Variants in CSGALNACT1 observed in about 807,000 individuals in gnomAD.
CSGALNACT1 encodes the protein chondroitin sulfate N-acetylgalactosaminyltransferase 1.
In CSGALNACT1, 52 loss-of-function variants were observed where a neutral mutation model predicts 51.0. That is an observed-to-expected ratio of 1.02 (90% CI 0.82 to 1.29). CSGALNACT1 has a LOEUF of 1.29. Among genes scored for constraint, CSGALNACT1 ranks in the 50% most tolerant of loss-of-function variants. The pLI is 0.00. For synonymous variants in CSGALNACT1, 341 were observed against 254.4 expected (o/e 1.34, Z -3.24); for missense variants, 935 against 679.2 (o/e 1.38, Z -4.19).
upstream of CSGALNACT1, among the ~76,000 whole-genome samples, chr8:19,684,199 A>G (rs1304912210): frequency 1.3e-5 from 2 of 152,192 alleles, no homozygotes; most frequent in Non-Finnish European, 2.9e-5. Flanking sequence ...TCAATGATTC[A>G]GTAATAATCT....
chr8:19,418,799 T>C (rs949228850), intron 7 of CSGALNACT1, 49 bp from the exon 7 acceptor site: 1 of 1,335,306 alleles, frequency 7.5e-7, no homozygotes, highest in African/African-American at 1.4e-5. Context: ...ATCCAAGTAG[T>C]AGGTTTGTTC....
At chr8:19,527,846 A>T (rs1414709978) in intron 3 of CSGALNACT1, among the ~76,000 whole-genome samples, 1 of 152,162 alleles carries the variant, frequency 6.6e-6, no homozygotes, top group Non-Finnish European at 1.5e-5. Context: ...CCAGGCGGAG[A>T]TGGTGACTAA....
intron 1 of CSGALNACT1, among the ~76,000 whole-genome samples, chr8:19,666,457 G>C (rs2059178003): frequency 6.6e-6 from 1 of 152,026 alleles, no homozygotes; most frequent in African/African-American, 2.4e-5. Context: ...CACTTTTGGA[G>C]GCTGAGGCGG....
At chr8:19,420,636 C>T in intron 6 of CSGALNACT1, 118 bp from the exon 6 acceptor site, 1 of 1,049,754 alleles carries the variant, frequency 9.5e-7, no homozygotes, top group Non-Finnish European at 1.5e-6. Context: ...AACCTGAGGG[C>T]ACTGGGACTC....
intron 3 of CSGALNACT1, among the ~76,000 whole-genome samples, chr8:19,550,509 T>C (rs532538541): frequency 1.6e-4 from 24 of 152,282 alleles, no homozygotes; most frequent in African/African-American, 5.5e-4. Context: ...ATACCAATTA[T>C]AGGTTTTTGA....
intron 1 of CSGALNACT1, among the ~76,000 whole-genome samples, chr8:19,756,061 G>A (rs769700008): frequency 3.9e-5 from 6 of 152,060 alleles, no homozygotes; most frequent in Non-Finnish European, 5.9e-5. Context: ...GCCTTTCTGC[G>A]TCTATTTCCA....
Position 19,645,510 on chromosome 8 carries a change from A to G in CSGALNACT1, c.-544+36963T>C, listed in dbSNP as rs546415936. On this transcript the variant is annotated intron_variant, in intron 1 of 9. Coordinates refer to the CSGALNACT1 transcript ENST00000332246. ...CTGTGTGCTCCTTGGCAAGGTTCTT[A>G]ACCTCCCAGAGCATCCATTTCCGCA... Among the ~76,000 whole-genome samples, 273 of 152,332 alleles carry G rather than the reference A, an allele frequency of 1.8e-3. 2 individuals are homozygous for G. The highest frequency in any genetic ancestry group is 6.3e-3 in the African/African-American group (264 of 41,580).
intron 3 of CSGALNACT1, among the ~76,000 whole-genome samples, chr8:19,572,724 G>A (rs1055547988): frequency 4.6e-5 from 7 of 152,160 alleles, no homozygotes; most frequent in African/African-American, 9.7e-5. Context: ...GATAGCAAAC[G>A]CTAATGGCAT....
chr8:19,617,267 A>C (rs2053159422), intron 1 of CSGALNACT1, among the ~76,000 whole-genome samples: 1 of 152,160 alleles, frequency 6.6e-6, no homozygotes, highest in Non-Finnish European at 1.5e-5. Context: ...GTAAATACAA[A>C]TGAAGTTTCG....
At chr8:19,595,197 C>T (rs970882758) in intron 2 of CSGALNACT1, among the ~76,000 whole-genome samples, 1 of 151,692 alleles carries the variant, frequency 6.6e-6, no homozygotes, top group East Asian at 1.9e-4. Context: ...GTTAACCATC[C>T]CGTTTTAAAT....
At chr8:19,600,738 T>C (rs2050229187) in intron 2 of CSGALNACT1, among the ~76,000 whole-genome samples, 1 of 152,178 alleles carries the variant, frequency 6.6e-6, no homozygotes. Flanking sequence ...ACACCCTCAT[T>C]TAAGTACAGG....
intron 1 of CSGALNACT1, among the ~76,000 whole-genome samples, chr8:19,635,718 C>T (rs1009168189): frequency 6.6e-6 from 1 of 152,114 alleles, no homozygotes; most frequent in Non-Finnish European, 1.5e-5. Flanking sequence ...CTTTCCACTT[C>T]CCTTTTCAGC....
intron 3 of CSGALNACT1, among the ~76,000 whole-genome samples, chr8:19,544,244 T>G (rs143090234): frequency 0.011 from 1,676 of 152,280 alleles, 30 homozygotes; most frequent in African/African-American, 0.038. Context: ...ACAGCTGGAA[T>G]ATGTGCCACC....
At chr8:19,710,238 C>T (rs1475106358) in intron 1 of CSGALNACT1, among the ~76,000 whole-genome samples, 2 of 152,162 alleles carry the variant, frequency 1.3e-5, no homozygotes, top group Admixed American at 6.5e-5. Context: ...TAAAAATTAA[C>T]ACAGCATGAC....
chr8:19,499,265 C>G (rs1276117759), intron 4 of CSGALNACT1, among the ~76,000 whole-genome samples: 1 of 152,192 alleles, frequency 6.6e-6, no homozygotes, highest in African/African-American at 2.4e-5. Flanking sequence ...AGGCTTATCT[C>G]TATCATGGCA....
rs76065872 is a variant in CSGALNACT1, at chr8:19,625,642, T to G, written c.-543-23777A>C. Among the ~76,000 whole-genome samples the G allele has an allele frequency of 7.9e-3, 1,197 of 152,320 alleles. 6 individuals are homozygous for G. Among genetic ancestry groups the G allele is most frequent in the Middle Eastern group, 0.014 (4 of 294 alleles). On this transcript the variant is annotated intron_variant, in intron 1 of 9. Coordinates refer to the CSGALNACT1 transcript ENST00000332246. ...AAGTTCCCAAGCTGACTCTATACTA[T>G]AGCGGATCATGCTGTCTCTGCAACA... is the stretch of plus-strand genomic sequence containing the variant.
chr8:19,422,884 C>G (rs1363170915), intron 6 of CSGALNACT1, among the ~76,000 whole-genome samples: 1 of 152,190 alleles, frequency 6.6e-6, no homozygotes, highest in Non-Finnish European at 1.5e-5. Context: ...ATCCTGGAGT[C>G]CATCTTGCTT....
exon 4 of CSGALNACT1, chr8:19,505,520 G>C (rs756293835): frequency 1.2e-6 from 2 of 1,613,982 alleles, no homozygotes; most frequent in Admixed American, 1.7e-5. Context: ...CCAGACCCAG[G>C]CCAGCAGCAT....
upstream of CSGALNACT1, chr8:19,683,171 T>G: frequency 6.3e-6 from 1 of 158,206 alleles, no homozygotes; most frequent in Non-Finnish European, 1.4e-5. Flanking sequence ...TGCTACAGAG[T>G]TCACACTTGG....
Sources: gnomAD v4.1 joint callset for allele counts (sites outside exome capture counted in the v4.1 genomes callset) on GRCh38, gnomAD v4.1.1 for gene constraint, MANE v1.5 for transcripts, NCBI Gene and HGNC (gene_info 2026-07-23, HGNC 2026-07-21) for gene names.